BCAR1: variants seen among roughly 807,000 people sequenced by gnomAD.
The protein encoded by BCAR1 is BCAR1 scaffold protein, Cas family member, also known as breast cancer anti-estrogen resistance protein 1.
Under a neutral mutation model 67.6 loss-of-function variants are expected in BCAR1, and 30 were observed. The observed-to-expected ratio is 0.44, with a 90% CI of 0.33 to 0.60. The LOEUF (loss-of-function observed/expected upper bound fraction) is 0.60, where lower values mean the gene tolerates loss of function less well. BCAR1 is among the 20% of genes least tolerant of loss of function. The probability of loss-of-function intolerance (pLI) is 0.02; values close to 1 mark genes in which losing one functional copy is unlikely to be tolerated. For synonymous variants in BCAR1, 626 were observed against 556.7 expected, an observed-to-expected ratio of 1.12 and a Z score of -1.75; for missense variants, 1,313 against 1,222.3, an observed-to-expected ratio of 1.07 and a Z score of -1.11.
intron 2 of BCAR1, chr16:75,238,853 G>T (rs1274239919): frequency 1.0e-6 from 1 of 985,310 alleles, no homozygotes; most frequent in African/African-American, 1.7e-5. Flanking sequence ...GGGCCTCGAG[G>T]CACGGCCTGA....
At chr16:75,239,408 G>A (rs1344569120) in intron 2 of BCAR1, among the ~76,000 whole-genome samples, 1 of 152,124 alleles carries the variant, frequency 6.6e-6, no homozygotes, top group Non-Finnish European at 1.5e-5. Context: ...CCAGGGCCAG[G>A]GTGCCGCCCC....
At chr16:75,236,224 C>T (rs1230150701) in intron 4 of BCAR1, 2 of 572,048 alleles carry the variant, frequency 3.5e-6, no homozygotes, top group Non-Finnish European at 5.9e-6. Flanking sequence ...TCCATGACAG[C>T]TCTGGGACGA....
chr16:75,237,270 G>C lies in BCAR1; in HGVS notation c.708C>G (p.Ile236Met). 3 of 1,524,926 alleles carry C rather than the reference G, an allele frequency of 2.0e-6. No homozygotes were observed. The highest frequency in any genetic ancestry group is 1.8e-6 in the Non-Finnish European group (2 of 1,140,984). The allele number at this position is 1,524,926 out of a possible 1,614,324, so 94.5% of individuals were successfully genotyped here. A position where few individuals can be genotyped will look rare whatever the true frequency, so the allele number is the denominator to read the frequency against. Residue 236 changes from isoleucine (I) to methionine (M), a missense_variant, in exon 3 of 7, where the codon ATC (isoleucine) becomes ATG (methionine). Ile to Met is a conservative substitution (Grantham distance 10). This residue lies in a region of BCAR1 where 1,272 missense variants were observed against 1,137.5 expected (regional missense o/e 1.12). Coordinates refer to ENST00000162330, the MANE Select transcript of BCAR1 (RefSeq NM_014567.5). The part of the protein sequence containing the change: ...AAQPEQDEYD[I>M]PRHLLAPGPQ... ...GCCCCGGGGCCAGCAGGTGTCGCGG[G>C]ATGTCGTACTCGTCCTGCTCCGGCT... is the stretch of plus-strand genomic sequence containing the variant.
intron 1 of BCAR1, chr16:75,266,932 G>A: frequency 3.4e-6 from 1 of 294,718 alleles, no homozygotes; most frequent in Non-Finnish European, 5.0e-6. Flanking sequence ...AGCTGCCTAG[G>A]GAATCTCTGT....
intron 1 of BCAR1, among the ~76,000 whole-genome samples, chr16:75,267,393 C>CGGGGGGG (rs1491292014): frequency 7.8e-5 from 2 of 25,760 alleles, no homozygotes; most frequent in African/African-American, 1.8e-4. Flanking sequence ...CCACAGCAAG[C>CGGGGGGG]CGGGGGGGGG....
At chr16:75,238,036 G>T (rs988918913) in intron 2 of BCAR1, 49 of 1,288,384 alleles carry the variant, frequency 3.8e-5, no homozygotes, top group Non-Finnish European at 3.3e-5. Flanking sequence ...AAAGGATGAG[G>T]CCTAGTGGGG....
chr16:75,244,681 A>C (rs1597235462), intron 1 of BCAR1, among the ~76,000 whole-genome samples: 1 of 152,300 alleles, frequency 6.6e-6, no homozygotes. Flanking sequence ...CAGAGGCTGG[A>C]GTGTGGAGAG....
At chr16:75,244,487 C>A (rs564419048) in intron 1 of BCAR1, among the ~76,000 whole-genome samples, 1 of 152,250 alleles carries the variant, frequency 6.6e-6, no homozygotes, top group Non-Finnish European at 1.5e-5. Context: ...CCCCTCTGAG[C>A]GCCATCTCCC....
rs2077680187 is a variant in BCAR1 at position 75,251,557 on chromosome 16, C to G, written c.-75G>C. On this transcript the variant is annotated 5_prime_UTR_variant, in exon 1 of 7. Coordinates refer to ENST00000162330, the MANE Select transcript of BCAR1 (RefSeq NM_014567.5). ...CTGCCCGGGCCGCGTGCCCTCGGGGCTCCGAGCGCGCCGCAGCCGCCCCGG... is the reference window on the plus strand; with the variant it reads ...CTGCCCGGGCCGCGTGCCCTCGGGGGTCCGAGCGCGCCGCAGCCGCCCCGG... 1 of 1,140,922 alleles carries G rather than the reference C, an allele frequency of 8.8e-7. No homozygotes were observed. The highest frequency in any genetic ancestry group is 4.2e-5 in the South Asian group (1 of 23,584). 70.7% of individuals were successfully genotyped at this position (1,140,922 alleles called of 1,614,324 possible).
At chr16:75,253,374 C>T (rs1205547745), upstream of BCAR1, among the ~76,000 whole-genome samples, 1 of 152,208 alleles carries the variant, frequency 6.6e-6, no homozygotes, top group Non-Finnish European at 1.5e-5. Flanking sequence ...GCCCTGCTGG[C>T]AGGGCCCCAG....
chr16:75,266,105 C>G, intron 1 of BCAR1: 1 of 918,558 alleles, frequency 1.1e-6, no homozygotes. Context: ...CCCAACGCGG[C>G]GGGGAGGCGC....
intron 2 of BCAR1, among the ~76,000 whole-genome samples, chr16:75,241,553 T>G (rs1287933056): frequency 6.6e-6 from 1 of 152,188 alleles, no homozygotes; most frequent in Non-Finnish European, 1.5e-5. Flanking sequence ...TCTGACCAGA[T>G]GGCTGAAGGA....
Position 75,235,774 on chromosome 16 carries a change from G to C in BCAR1, c.1125C>G (p.Pro375=). 1 of 1,593,454 alleles carries C rather than the reference G, an allele frequency of 6.3e-7. No homozygotes were observed. The highest frequency in any genetic ancestry group is 8.6e-7 in the Non-Finnish European group (1 of 1,168,914). Residue 375 remains proline (P), a synonymous_variant, in exon 5 of 7, where the codon CCC becomes CCG. Coordinates refer to ENST00000162330, the MANE Select transcript of BCAR1 (RefSeq NM_014567.5). ...PPPAPDLYDV[P]PGLRRPGPGT... ...CCGGGCCAGGCCGCCGCAAGCCAGGGGGCACGTCGTAGAGGTCAGGAGCCG... is the reference window on the plus strand; with the variant it reads ...CCGGGCCAGGCCGCCGCAAGCCAGGCGGCACGTCGTAGAGGTCAGGAGCCG...
In BCAR1 at chr16:75,235,210, G is replaced by C. The variant is rs774985176; in HGVS notation, c.1689C>G (p.Asp563Glu). The C allele has an allele frequency of 6.2e-7, 1 of 1,608,144 alleles. No individual in the cohort carries two copies. The highest frequency in any genetic ancestry group is 2.2e-5 in the East Asian group (1 of 44,784). Residue 563 changes from aspartate to glutamate, a missense_variant, in exon 5 of 7, where the codon GAC becomes GAG. Physicochemically the swap from Asp to Glu is conservative, Grantham distance 45. Transcript: ENST00000162330. ...TGGCTCCAGAGCCTCCCCGGCCAGC[G>C]TCGAGGGCCTGACCATGTGCCACCA... ...QTLVAHGQAL[D>E]AGRGGSGATL...
intron 2 of BCAR1, among the ~76,000 whole-genome samples, chr16:75,242,184 G>A (rs1322369512): frequency 2.0e-5 from 3 of 152,366 alleles, no homozygotes; most frequent in Non-Finnish European, 4.4e-5. Flanking sequence ...AGCCCCGCCT[G>A]CCCACTGGAA....
chr16:75,251,332 G>C, intron 1 of BCAR1, 139 bp downstream of exon 1: 2 of 1,207,652 alleles, frequency 1.7e-6, no homozygotes, highest in Admixed American at 6.5e-5. Flanking sequence ...CAGGGCAGAA[G>C]GAGATCCCAG....
chr16:75,250,347 G>A (rs1307961450), intron 1 of BCAR1, among the ~76,000 whole-genome samples: 1 of 152,148 alleles, frequency 6.6e-6, no homozygotes, highest in Non-Finnish European at 1.5e-5. Context: ...TCACAGGCCG[G>A]CCAGCCCCCA....
Position 75,237,360 on chromosome 16 carries a change from C to T in BCAR1, c.634-16G>A, listed in dbSNP as rs770132690. ...GCACCACCACCTGGGGGCAGAGAGC[C>T]GACTTCACTGCTGCCCTCAAACCAG... is the stretch of plus-strand genomic sequence containing the variant. On this transcript the variant is annotated splice_polypyrimidine_tract_variant and intron_variant, in intron 2 of 6. Coordinates refer to ENST00000162330, the MANE Select transcript of BCAR1 (RefSeq NM_014567.5). 9.6e-6 allele frequency: 14 copies of T among 1,454,988 alleles called. No individual in the cohort carries two copies. The highest frequency in any genetic ancestry group is 2.7e-5 in the East Asian group (1 of 37,568). 90.1% of individuals were successfully genotyped at this position (1,454,988 alleles called of 1,614,324 possible).
At chr16:75,263,873 C>G (rs1567627332) in intron 1 of BCAR1, 3 of 1,009,744 alleles carry the variant, frequency 3.0e-6, no homozygotes, top group East Asian at 9.5e-5. Context: ...CCGAACACTT[C>G]AAGACTGTTC....
Sources: gnomAD v4.1 joint callset for allele counts (sites outside exome capture counted in the v4.1 genomes callset) on GRCh38, gnomAD v4.1.1 for gene constraint, gnomAD v4.1.1 regional missense constraint, MANE v1.5 for transcripts, NCBI Gene and HGNC (gene_info 2026-07-23, HGNC 2026-07-21) for gene names.